SLC35F1: variants seen among roughly 807,000 people sequenced by gnomAD.
SLC35F1 encodes the protein chromosome 6 open reading frame 169.
In SLC35F1, 14 loss-of-function variants were observed where a neutral mutation model predicts 48.7. The ratio of observed to expected loss-of-function variants is 0.29; its 90% CI spans 0.19 to 0.45. The LOEUF (loss-of-function observed/expected upper bound fraction) is 0.45, where lower values mean the gene tolerates loss of function less well. Among genes scored for constraint, SLC35F1 ranks in the 20% least tolerant of loss-of-function variants. The pLI is 1.00. For missense variants in SLC35F1, 404 were observed against 500.0 expected, an observed-to-expected ratio of 0.81 and a Z score of 1.83; for synonymous variants, 190 against 202.2, an observed-to-expected ratio of 0.94 and a Z score of 0.51.
rs570474580 is a variant in SLC35F1, at chr6:117,929,227, T to A, written c.173+21328T>A. 1.1e-4 allele frequency among the ~76,000 whole-genome samples: 17 copies of A among 152,204 alleles called. 1 individual carries two copies. The highest frequency in any genetic ancestry group is 3.9e-4 in the African/African-American group (16 of 41,522). On this transcript the variant is annotated intron_variant, in intron 1 of 7. Coordinates refer to ENST00000360388, the MANE Select transcript of SLC35F1 (RefSeq NM_001029858.4). ...TTTTAGTTTGTCGAGGAGATGGATT[T>A]GAGGCTAATCTCCCATCTCCTCAGC...
At chr6:117,929,591 G>A (rs1562241056) in intron 1 of SLC35F1, among the ~76,000 whole-genome samples, 1 of 151,622 alleles carries the variant, frequency 6.6e-6, no homozygotes, top group African/African-American at 2.4e-5. Context: ...AAGCCAGCAG[G>A]CTAGAAACTC....
intron 1 of SLC35F1, among the ~76,000 whole-genome samples, chr6:117,951,271 G>A (rs760742983): frequency 3.5e-4 from 54 of 152,224 alleles, no homozygotes; most frequent in Non-Finnish European, 6.6e-4. Context: ...TTTACAGGAA[G>A]AAAAACAACA....
intron 6 of SLC35F1, among the ~76,000 whole-genome samples, chr6:118,280,020 C>G (rs906909158): frequency 6.6e-6 from 1 of 151,978 alleles, no homozygotes; most frequent in African/African-American, 2.4e-5. Flanking sequence ...TTTCTTAACC[C>G]GAAGCACTTT....
intron 1 of SLC35F1, among the ~76,000 whole-genome samples, chr6:118,145,443 A>G (rs1773957340): frequency 1.3e-5 from 2 of 152,246 alleles, no homozygotes; most frequent in African/African-American, 4.8e-5. Flanking sequence ...AGAGAAGCTG[A>G]AAGTCAAAGA....
At chr6:118,182,513 AGAGAGAGAAGGAAGGAAG>A (rs1774593306) in intron 2 of SLC35F1, among the ~76,000 whole-genome samples, 1 of 139,398 alleles carries the variant, frequency 7.2e-6, no homozygotes, top group African/African-American at 2.6e-5. Flanking sequence ...AAAGAGAGAG[AGAGAGAGAAGGAAGGAAG>A]GAAGGAAGGA....
chr6:118,054,060 A>T (rs963458238), intron 1 of SLC35F1, among the ~76,000 whole-genome samples: 2 of 152,336 alleles, frequency 1.3e-5, no homozygotes, highest in African/African-American at 4.8e-5. Context: ...ATAATTGGTA[A>T]GGCTGAAGAT....
At chr6:117,980,062 G>A (rs1003941999) in intron 1 of SLC35F1, among the ~76,000 whole-genome samples, 1 of 152,120 alleles carries the variant, frequency 6.6e-6, no homozygotes, top group Non-Finnish European at 1.5e-5. Context: ...CATCGAATGG[G>A]TTTCTGTTTT....
chr6:118,274,362 T>C lies in SLC35F1; in HGVS notation c.638-1097T>C, dbSNP rs2114629388. Among the ~76,000 whole-genome samples the C allele has an allele frequency of 1.3e-5, 2 of 152,324 alleles. 1 individual carries two copies. The highest frequency in any genetic ancestry group is 6.8e-3 in the Middle Eastern group (2 of 294). ...GAAATACCTGGGTAAAGCATTTATT[T>C]TGTTTTAAATCAACCAAAATTGAGT... On this transcript the variant is annotated intron_variant, in intron 4 of 7. Transcript: ENST00000360388.
At chr6:118,258,282 C>T (rs183484504) in intron 3 of SLC35F1, among the ~76,000 whole-genome samples, 3 of 152,064 alleles carry the variant, frequency 2.0e-5, no homozygotes, top group African/African-American at 2.4e-5. Flanking sequence ...ATTTTTCTAA[C>T]GAAAACCCTC....
At chr6:117,987,443 C>T (rs974938131) in intron 1 of SLC35F1, among the ~76,000 whole-genome samples, 2 of 151,540 alleles carry the variant, frequency 1.3e-5, no homozygotes, top group Admixed American at 1.3e-4. Context: ...CCGTCTCCTC[C>T]TCCCTTCCCT....
At chr6:118,032,272 G>T (rs1338350878) in intron 1 of SLC35F1, among the ~76,000 whole-genome samples, 2 of 152,092 alleles carry the variant, frequency 1.3e-5, no homozygotes, top group Non-Finnish European at 2.9e-5. Flanking sequence ...AAAAATGAGG[G>T]TGGACATGGA....
rs575685387 is a variant in SLC35F1, at chr6:118,290,767, C to G, written c.1002+5429C>G. 4.6e-5 allele frequency among the ~76,000 whole-genome samples: 7 copies of G among 151,354 alleles called. No homozygotes were observed. In the East Asian group the frequency reaches 1.4e-3, roughly 29 times the overall value. On this transcript the variant is annotated intron_variant, in intron 7 of 7. Transcript: ENST00000360388. ...TAAGAGGCCCCCAGGTTTCCCACCACAGCCAGATGGGCTATCTCAGAAAAT... is the reference window on the plus strand; with the variant it reads ...TAAGAGGCCCCCAGGTTTCCCACCAGAGCCAGATGGGCTATCTCAGAAAAT...
chr6:118,040,791 CATAAGT>C (rs5879442), intron 1 of SLC35F1, among the ~76,000 whole-genome samples: 72,483 of 150,168 alleles, frequency 0.48, 18,788 homozygotes, highest in Middle Eastern at 0.61. Flanking sequence ...TATATTTTCC[CATAAGT>C]ATATGTCCTG....
intron 1 of SLC35F1, among the ~76,000 whole-genome samples, chr6:117,925,538 A>G (rs1037216864): frequency 2.6e-5 from 4 of 152,164 alleles, no homozygotes; most frequent in African/African-American, 4.8e-5. Context: ...ATGTGGGATA[A>G]TTAATATTCT....
Position 118,317,146 on chromosome 6 carries a change from G to A in SLC35F1, c.*2894G>A, listed in dbSNP as rs552068605. ...ATATAGAATTTGATCAGGTAAGAGCGAACCACAATTCTCCTGAACCCTGCT... is the reference window on the plus strand; with the variant it reads ...ATATAGAATTTGATCAGGTAAGAGCAAACCACAATTCTCCTGAACCCTGCT... On this transcript the variant is annotated 3_prime_UTR_variant, in exon 8 of 8. Transcript: ENST00000360388. 2.0e-5 allele frequency: 3 copies of A among 152,634 alleles called. No homozygotes were observed. Among genetic ancestry groups the A allele is most frequent in the East Asian group, 1.9e-4 (1 of 5,180 alleles). 9.5% of individuals were successfully genotyped at this position (152,634 alleles called of 1,614,324 possible). A position where few individuals can be genotyped will look rare whatever the true frequency, so the allele number is the denominator to read the frequency against.
At chr6:118,125,834 C>T (rs1304542873) in intron 1 of SLC35F1, among the ~76,000 whole-genome samples, 1 of 152,180 alleles carries the variant, frequency 6.6e-6, no homozygotes, top group Non-Finnish European at 1.5e-5. Flanking sequence ...CCATTCCATC[C>T]ACTCTCAACT....
chr6:117,981,456 G>T (rs1309177565), intron 1 of SLC35F1, among the ~76,000 whole-genome samples: 1 of 152,160 alleles, frequency 6.6e-6, no homozygotes, highest in Non-Finnish European at 1.5e-5. Flanking sequence ...GCTGAGTGGA[G>T]AGGCTTCCAT....
At chr6:117,935,454 ATG>A (rs1776152798) in intron 1 of SLC35F1, among the ~76,000 whole-genome samples, 1 of 152,208 alleles carries the variant, frequency 6.6e-6, no homozygotes, top group Admixed American at 6.5e-5. Flanking sequence ...CCTTTTTAAA[ATG>A]TGTGTTTCTG....
At chr6:118,209,660 A>T (rs1252033522) in intron 2 of SLC35F1, among the ~76,000 whole-genome samples, 1 of 152,070 alleles carries the variant, frequency 6.6e-6, no homozygotes, top group East Asian at 1.9e-4. Context: ...ATTATATTAA[A>T]GATTATATAT....
Sources: gnomAD v4.1 joint callset for allele counts (sites outside exome capture counted in the v4.1 genomes callset) on GRCh38, gnomAD v4.1.1 for gene constraint, MANE v1.5 for transcripts, NCBI Gene and HGNC (gene_info 2026-07-23, HGNC 2026-07-21) for gene names.